CTNND2: variants seen among roughly 807,000 people sequenced by gnomAD.
CTNND2 encodes the protein catenin delta-2.
In CTNND2, 22 loss-of-function variants were observed where a neutral mutation model predicts 144.4. That is an observed-to-expected ratio of 0.15 (90% CI 0.11 to 0.22). The LOEUF is 0.22. Ranked by LOEUF, CTNND2 falls within the 10% of genes least tolerant of loss-of-function variation. The pLI is 1.00. For synonymous variants in CTNND2, 751 were observed against 695.6 expected (o/e 1.08, Z -1.25); for missense variants, 1,353 against 1,618.8 (o/e 0.84, Z 2.82).
At chr5:11,566,726 C>T (rs1777133214) in intron 2 of CTNND2, among the ~76,000 whole-genome samples, 2 of 152,162 alleles carry the variant, frequency 1.3e-5, no homozygotes, top group Admixed American at 6.5e-5. Flanking sequence ...CAGGGGCTTC[C>T]GCTAGGACGG....
chr5:11,184,750 C>A (rs889293872), intron 11 of CTNND2, among the ~76,000 whole-genome samples: 6 of 152,134 alleles, frequency 3.9e-5, no homozygotes, highest in African/African-American at 1.4e-4. Flanking sequence ...GTGTCCCTAG[C>A]AATTTTTGTG....
chr5:11,582,823 C>A (rs1778540920), intron 2 of CTNND2, among the ~76,000 whole-genome samples: 1 of 152,170 alleles, frequency 6.6e-6, no homozygotes, highest in Non-Finnish European at 1.5e-5. Context: ...ATATTAAAAA[C>A]ACATGCATCT....
In CTNND2 at chr5:11,485,407, C is replaced by G. The variant is rs146673144; in HGVS notation, c.288-73338G>C. On this transcript the variant is annotated intron_variant, in intron 3 of 21. Coordinates refer to ENST00000304623, the MANE Select transcript of CTNND2 (RefSeq NM_001332.4). Reference sequence around the variant, plus strand: ...CGCGCGTGCGCGCGCACATTCAATGCAATCCCCCCAAAATATCTATTTTAA... The same window carrying G: ...CGCGCGTGCGCGCGCACATTCAATGGAATCCCCCCAAAATATCTATTTTAA... 2.1e-4 allele frequency among the ~76,000 whole-genome samples: 32 copies of G among 150,038 alleles called. No homozygotes were observed. In the Middle Eastern group the frequency reaches 0.01, roughly 48 times the overall value.
At chr5:11,451,792 G>T (rs1371552314) in intron 3 of CTNND2, among the ~76,000 whole-genome samples, 1 of 152,156 alleles carries the variant, frequency 6.6e-6, no homozygotes, top group Non-Finnish European at 1.5e-5. Flanking sequence ...TTTTTAATTT[G>T]AGAGAAGAAA....
intron 1 of CTNND2, among the ~76,000 whole-genome samples, chr5:11,756,113 A>C (rs1011717294): frequency 6.6e-6 from 1 of 151,706 alleles, no homozygotes; most frequent in Non-Finnish European, 1.5e-5. Context: ...ACATTATGCA[A>C]AAACTTTGTG....
chr5:10,981,874 A>C (rs778104952), intron 20 of CTNND2, 28 bp from the exon 21 acceptor site: 34 of 1,580,024 alleles, frequency 2.2e-5, no homozygotes, highest in Non-Finnish European at 3.0e-5. Flanking sequence ...ACAAAAGTTT[A>C]GCAAAGAAAA....
chr5:11,260,637 C>A (rs1021760823), intron 9 of CTNND2, among the ~76,000 whole-genome samples: 41 of 152,118 alleles, frequency 2.7e-4, no homozygotes, highest in Non-Finnish European at 4.9e-4. Flanking sequence ...CCCACTCTCA[C>A]AATAATATAC....
intron 3 of CTNND2, among the ~76,000 whole-genome samples, chr5:11,432,415 G>C (rs945243860): frequency 6.6e-6 from 1 of 152,200 alleles, no homozygotes; most frequent in South Asian, 2.1e-4. Flanking sequence ...TCCCAGGGGA[G>C]TGTTGGCATG....
intron 3 of CTNND2, among the ~76,000 whole-genome samples, chr5:11,511,810 G>A (rs934760656): frequency 3.9e-5 from 6 of 152,090 alleles, no homozygotes; most frequent in African/African-American, 1.2e-4. Flanking sequence ...TCCCGCAGGT[G>A]TCATATACCA....
rs183629275 is a variant in CTNND2 at position 11,267,973 on chromosome 5, G to A, written c.1629-31150C>T. ...ACTTTAATGAGAAAACTAGAAAGGAGGCAGATGGAACAAACCAATGATTGT... is the reference window on the plus strand; with the variant it reads ...ACTTTAATGAGAAAACTAGAAAGGAAGCAGATGGAACAAACCAATGATTGT... On this transcript the variant is annotated intron_variant, in intron 9 of 21. Coordinates refer to ENST00000304623, the MANE Select transcript of CTNND2 (RefSeq NM_001332.4). Among the ~76,000 whole-genome samples, 331 of 152,330 alleles carry A rather than the reference G, an allele frequency of 2.2e-3. 3 individuals carry two copies. The highest frequency in any genetic ancestry group is 3.4e-3 in the Non-Finnish European group (232 of 68,024).
chr5:11,816,188 C>T (rs1042353901), intron 1 of CTNND2, among the ~76,000 whole-genome samples: 12 of 152,176 alleles, frequency 7.9e-5, no homozygotes, highest in Non-Finnish European at 4.4e-5. Flanking sequence ...ACGCCCAGGG[C>T]GAGGAGAGAG....
chr5:11,157,300 C>T (rs1441765389), intron 12 of CTNND2, among the ~76,000 whole-genome samples: 1 of 152,200 alleles, frequency 6.6e-6, no homozygotes, highest in Non-Finnish European at 1.5e-5. Context: ...CTCTGCTGCC[C>T]TCCATGATGC....
At chr5:11,694,455 A>G (rs1036518658) in intron 2 of CTNND2, among the ~76,000 whole-genome samples, 3 of 151,890 alleles carry the variant, frequency 2.0e-5, no homozygotes, top group Non-Finnish European at 1.5e-5. Context: ...AAAGAAAATG[A>G]AAAAAACAAA....
intron 3 of CTNND2, among the ~76,000 whole-genome samples, chr5:11,431,459 A>G (rs1763279634): frequency 6.6e-6 from 1 of 152,206 alleles, no homozygotes; most frequent in Admixed American, 6.5e-5. Flanking sequence ...TTGAGACGTA[A>G]AATGCAGCTG....
chr5:11,402,363 C>T (rs1422136666), intron 5 of CTNND2, among the ~76,000 whole-genome samples: 2 of 152,016 alleles, frequency 1.3e-5, no homozygotes, highest in Non-Finnish European at 2.9e-5. Flanking sequence ...GTTATTGGAC[C>T]ATTACAAAAT....
chr5:11,245,738 G>A (rs1742933854), intron 9 of CTNND2, among the ~76,000 whole-genome samples: 1 of 152,160 alleles, frequency 6.6e-6, no homozygotes, highest in African/African-American at 2.4e-5. Flanking sequence ...GCAGCAGCAG[G>A]AATCTAACAC....
chr5:11,235,060 C>T (rs1420063095), intron 10 of CTNND2, among the ~76,000 whole-genome samples: 2 of 152,126 alleles, frequency 1.3e-5, no homozygotes, highest in East Asian at 1.9e-4. Flanking sequence ...CCTTTTCAGG[C>T]CCTCTTGGTG....
chr5:11,012,676 G>T (rs933215823), intron 18 of CTNND2, among the ~76,000 whole-genome samples: 1 of 152,198 alleles, frequency 6.6e-6, no homozygotes, highest in African/African-American at 2.4e-5. Context: ...CATGCTGCTG[G>T]TAAGTGGCAG....
chr5:11,785,667 A>G (rs1399326189), intron 1 of CTNND2, among the ~76,000 whole-genome samples: 1 of 146,696 alleles, frequency 6.8e-6, no homozygotes, highest in East Asian at 2.0e-4. Context: ...AAAAAAAAAA[A>G]TCCTAAAAAT....
Sources: allele counts gnomAD v4.1 joint callset (sites outside exome capture counted in the v4.1 genomes callset), GRCh38; gene constraint gnomAD v4.1.1; transcripts MANE v1.5; gene names NCBI Gene and HGNC (gene_info 2026-07-23, HGNC 2026-07-21).